The following WNK1 variants were observed in gnomAD, a reference collection of about 807,000 sequenced individuals.
WNK1 encodes the protein WNK lysine deficient protein kinase 1.
In WNK1, 38 loss-of-function variants were observed where a neutral mutation model predicts 222.8. That is an observed-to-expected ratio of 0.17 (90% CI 0.13 to 0.22). The LOEUF is 0.22. Among genes scored for constraint, WNK1 ranks in the 10% least tolerant of loss-of-function variants. WNK1 has a pLI of 1.00. For missense variants in WNK1, 2,348 were observed against 2,918.4 expected (o/e 0.80, Z 4.50); for synonymous variants, 1,090 against 1,092.9 (o/e 1.00, Z 0.05).
chr12:857,242 G>C lies in WNK1; in HGVS notation c.1393G>C (p.Asp465His), dbSNP rs768875867. The change falls in exon 5 of 28, where the codon GAT (aspartate) becomes CAT (histidine). Residue 465 changes from aspartate to histidine, a missense_variant. Asp to His is a moderately conservative substitution (Grantham distance 81). Around this residue, in one of 13 missense-constraint regions of WNK1, gnomAD observed 37 missense variants for 102.8 expected, o/e 0.36. Coordinates refer to ENST00000315939, the MANE Select transcript of WNK1 (RefSeq NM_018979.4). ...TGAAGGATGCATACGACAAAACAAA[G>C]ATGAAAGGTAAGTTGCCTCTTTTGA... ...IIEGCIRQNK[D>H]ERYSIKDLLN... The C allele has an allele frequency of 1.9e-6, 3 of 1,614,018 alleles. No individual in the cohort carries two copies. In the African/African-American group the frequency reaches 4.0e-5, roughly 22 times the overall value.
chr12:838,751 G>T (rs535195533), intron 4 of WNK1, among the ~76,000 whole-genome samples: 1 of 152,144 alleles, frequency 6.6e-6, no homozygotes, highest in Admixed American at 6.5e-5. Context: ...CAGTCATTGG[G>T]TTAAGGACCC....
Position 909,074 on chromosome 12 carries a change from G to A in WNK1, c.*282G>A, listed in dbSNP as rs1955926704. On this transcript the variant is annotated 3_prime_UTR_variant, in exon 28 of 28. Coordinates refer to ENST00000315939, the MANE Select transcript of WNK1 (RefSeq NM_018979.4). ...ATCTATACTCAGTAATGAGGATGAGGGCTAGGAAAGTCTTGTTCATAAGGA... is the reference window on the plus strand; with the variant it reads ...ATCTATACTCAGTAATGAGGATGAGAGCTAGGAAAGTCTTGTTCATAAGGA... 4.7e-6 allele frequency: 2 copies of A among 427,644 alleles called. No individual in the cohort carries two copies. Among genetic ancestry groups the A allele is most frequent in the South Asian group, 5.1e-5 (2 of 39,442 alleles). 26.5% of individuals were successfully genotyped at this position (427,644 alleles called of 1,614,324 possible).
intron 1 of WNK1, among the ~76,000 whole-genome samples, chr12:792,851 A>G (rs895744013): frequency 2.6e-5 from 4 of 152,092 alleles, no homozygotes; most frequent in African/African-American, 7.2e-5. Flanking sequence ...ATATTATTCT[A>G]TGACTTTTTT....
intron 2 of WNK1, among the ~76,000 whole-genome samples, chr12:823,265 A>G (rs898022984): frequency 1.3e-5 from 2 of 152,030 alleles, no homozygotes; most frequent in East Asian, 3.9e-4. Context: ...TTGTGGATCT[A>G]TTTGCATTTA....
intron 21 of WNK1, 61 bp downstream of exon 21, chr12:889,284 C>T (rs913373920): frequency 1.4e-6 from 2 of 1,389,098 alleles, no homozygotes; most frequent in African/African-American, 2.9e-5. Flanking sequence ...ATGCCTGGGA[C>T]ACAAACTGTA....
chr12:846,180 G>A (rs1461765583), intron 4 of WNK1, among the ~76,000 whole-genome samples: 2 of 152,098 alleles, frequency 1.3e-5, no homozygotes, highest in Admixed American at 1.3e-4. Context: ...ACAAAAGTCT[G>A]GTACTGCAGT....
intron 1 of WNK1, among the ~76,000 whole-genome samples, chr12:804,381 C>T (rs1023788354): frequency 6.6e-5 from 10 of 151,892 alleles, no homozygotes; most frequent in African/African-American, 2.4e-4. Flanking sequence ...TACTATCATC[C>T]ATATCTAGAA....
chr12:773,372 G>C (rs1449462213), intron 1 of WNK1, among the ~76,000 whole-genome samples: 1 of 152,088 alleles, frequency 6.6e-6, no homozygotes, highest in Non-Finnish European at 1.5e-5. Flanking sequence ...ACCTAAGTTG[G>C]CTTCCTTTAT....
In WNK1 at chr12:752,817, G is replaced by T. The variant is rs905315687; in HGVS notation, c.-749G>T. ...CTCCCCGCCGTTCCCTCCTCCGTCAGCCCCCGGCACCGGCCCGGGAGGAGA... is the reference window on the plus strand; with the variant it reads ...CTCCCCGCCGTTCCCTCCTCCGTCATCCCCCGGCACCGGCCCGGGAGGAGA... On this transcript the variant is annotated 5_prime_UTR_variant, in exon 1 of 28. Coordinates refer to ENST00000315939, the MANE Select transcript of WNK1 (RefSeq NM_018979.4). The T allele has an allele frequency of 2.0e-5, 3 of 152,174 alleles. No individual in the cohort carries two copies. The highest frequency in any genetic ancestry group is 4.4e-5 in the Non-Finnish European group (3 of 68,080). 9.4% of individuals were successfully genotyped at this position (152,174 alleles called of 1,614,324 possible). A position where few individuals can be genotyped will look rare whatever the true frequency, so the allele number is the denominator to read the frequency against.
intron 26 of WNK1, among the ~76,000 whole-genome samples, chr12:907,165 A>T (rs1466343692): frequency 6.6e-6 from 1 of 151,952 alleles, no homozygotes; most frequent in Admixed American, 6.6e-5. Context: ...CTACTAAAAT[A>T]CAAAAATTAA....
chr12:797,412 T>C (rs1945416593), intron 1 of WNK1, among the ~76,000 whole-genome samples: 1 of 152,202 alleles, frequency 6.6e-6, no homozygotes, highest in African/African-American at 2.4e-5. Context: ...AAAATTTCTT[T>C]ATACCAATAA....
At chr12:829,787 G>A in intron 3 of WNK1, 2 of 581,184 alleles carry the variant, frequency 3.4e-6, no homozygotes, top group East Asian at 2.9e-5. Context: ...CCTTATTCCA[G>A]TTTCATATAA....
intron 14 of WNK1, 76 bp from the exon 15 acceptor site, chr12:882,867 T>A: frequency 1.1e-6 from 1 of 912,538 alleles, no homozygotes; most frequent in Non-Finnish European, 1.8e-6. Flanking sequence ...CAAGTGCTAA[T>A]CTGCATTGCT....
intron 1 of WNK1, among the ~76,000 whole-genome samples, chr12:807,139 G>A (rs1946435666): frequency 6.6e-6 from 1 of 151,978 alleles, no homozygotes; most frequent in South Asian, 2.1e-4. Context: ...TGTGGGGAGT[G>A]GGTGGGAAGG....
intron 9 of WNK1, among the ~76,000 whole-genome samples, chr12:877,222 C>T (rs1298058044): frequency 6.6e-6 from 1 of 151,958 alleles, no homozygotes; most frequent in Non-Finnish European, 1.5e-5. Flanking sequence ...TGCCACCACG[C>T]CCGGCTAATT....
chr12:844,020 G>A (rs1157521573), intron 4 of WNK1, among the ~76,000 whole-genome samples: 1 of 152,016 alleles, frequency 6.6e-6, no homozygotes, highest in Non-Finnish European at 1.5e-5. Flanking sequence ...AAACTTTTAA[G>A]TAGCATTATA....
intron 9 of WNK1, among the ~76,000 whole-genome samples, chr12:872,967 G>A (rs770143603): frequency 6.8e-4 from 103 of 152,166 alleles, no homozygotes; most frequent in Non-Finnish European, 1.1e-3. Flanking sequence ...GCTTTGTTTT[G>A]CACCTGTCCT....
chr12:905,519 GCTT>G (rs1955620090), intron 26 of WNK1, among the ~76,000 whole-genome samples: 1 of 152,164 alleles, frequency 6.6e-6, no homozygotes, highest in African/African-American at 2.4e-5. Flanking sequence ...CGCCTCCTGA[GCTT>G]CTTGTATTTA....
At chr12:776,404 T>TTGTGTTTG (rs1555082767) in intron 1 of WNK1, among the ~76,000 whole-genome samples, 1 of 56,446 alleles carries the variant, frequency 1.8e-5, no homozygotes, top group Non-Finnish European at 3.7e-5. Context: ...CTGTGTGTGT[T>TTGTGTTTG]TGTGTGTTTG....
Sources: gnomAD v4.1 joint callset for allele counts (sites outside exome capture counted in the v4.1 genomes callset) on GRCh38, gnomAD v4.1.1 for gene constraint, gnomAD v4.1.1 regional missense constraint, MANE v1.5 for transcripts, NCBI Gene and HGNC (gene_info 2026-07-23, HGNC 2026-07-21) for gene names.